ATG2B: variants seen among roughly 807,000 people sequenced by gnomAD.
ATG2B encodes the protein autophagy-related protein 2 homolog B.
In ATG2B, 121 loss-of-function variants were observed where a neutral mutation model predicts 241.3. That is an observed-to-expected ratio of 0.50 (90% CI 0.43 to 0.58). The LOEUF is 0.58. ATG2B is among the 20% of genes least tolerant of loss of function. ATG2B has a pLI of 0.00. For missense variants in ATG2B, 2,306 were observed against 2,491.6 expected, an observed-to-expected ratio of 0.93 and a Z score of 1.59; for synonymous variants, 858 against 876.6, an observed-to-expected ratio of 0.98 and a Z score of 0.37.
In ATG2B at chr14:96,331,574, A is replaced by G; in HGVS notation, c.1532T>C (p.Val511Ala). 8.7e-6 allele frequency: 14 copies of G among 1,614,104 alleles called. No individual in the cohort carries two copies. Among genetic ancestry groups the G allele is most frequent in the Non-Finnish European group, 1.2e-5 (14 of 1,179,970 alleles). The part of the protein sequence containing the change: ...SRPELIFRLA[V>A]GTFSISVLHI... Reference sequence around the variant, plus strand: ...AAGCACAGAGATTGAAAAAGTTCCCACAGCTAGTCTAAAAATAAGTTCAGG... The same window carrying G: ...AAGCACAGAGATTGAAAAAGTTCCCGCAGCTAGTCTAAAAATAAGTTCAGG... Residue 511 changes from valine to alanine, a missense_variant, in exon 11 of 42, where the codon GTG becomes GCG. Val to Ala is a moderately conservative substitution (Grantham distance 64). Coordinates refer to ENST00000359933, the MANE Select transcript of ATG2B (RefSeq NM_018036.7).
Position 96,289,622 on chromosome 14 carries a change from G to C in ATG2B, c.6006+34C>G. 6.2e-7 allele frequency: 1 copy of C among 1,606,650 alleles called. No homozygotes were observed. On this transcript the variant is annotated intron_variant, in intron 41 of 41. Transcript: ENST00000359933. This position sits in a 1 kb window ranked among gnomAD's most constrained non-coding sequence, Gnocchi z 4.3. ...GTGAAAGTTGGGAAAGCGCACAGAA[G>C]GGTTCTGATGTGTCCACCCAAGTAT...
Position 96,363,251 on chromosome 14 carries a change from C to T in ATG2B, c.-275G>A, listed in dbSNP as rs967917861. ...CCGGCTCGGAGAGAGTGCAAGAGAG[C>T]GCGAGAGGAGGCGGCAGGGGCTGAG... On this transcript the variant is annotated 5_prime_UTR_variant, in exon 1 of 42. Transcript: ENST00000359933. 10 of 374,128 alleles carry T rather than the reference C, an allele frequency of 2.7e-5. No individual in the cohort carries two copies. The highest frequency in any genetic ancestry group is 1.3e-4 in the African/African-American group (6 of 46,252). The allele number at this position is 374,128 out of a possible 1,614,324, so 23.2% of individuals were successfully genotyped here.
At position 96,349,051 on chromosome 14, in the gene ATG2B, C is replaced by T. The variant is rs75427658; in HGVS notation, c.163-1710G>A. On this transcript the variant is annotated intron_variant, in intron 1 of 41. Transcript: ENST00000359933. ...TTATATACAGAGGAAACACACTGTG[C>T]TATTTGAACACATAATAGAACCTAA... Among the ~76,000 whole-genome samples the T allele has an allele frequency of 2.9e-4, 44 of 152,276 alleles. 1 individual carries two copies. The East Asian group carries it at 8.5e-3, about 29-fold the overall frequency.
chr14:96,362,856 G>A lies in ATG2B; in HGVS notation c.121C>T (p.Gln41Ter). 6.2e-7 allele frequency: 1 copy of A among 1,612,396 alleles called. No homozygotes were observed. Among genetic ancestry groups the A allele is most frequent in the Non-Finnish European group, 8.5e-7 (1 of 1,179,366 alleles). ...SLEQLSLDLY[Q>*]GTGSLAQVPL... ...ACCTGGGCGAGGGACCCGGTGCCTT[G>A]GTACAGGTCCAGGCTGAGCTGCTCC... Residue 41 changes from glutamine (Q) to a stop codon, truncating the protein, a stop_gained, in exon 1 of 42, where the codon CAA becomes TAA. Transcript: ENST00000359933. LOFTEE classifies it high-confidence loss of function.
chr14:96,302,645 A>G (rs1291517818), intron 33 of ATG2B, among the ~76,000 whole-genome samples: 1 of 152,184 alleles, frequency 6.6e-6, no homozygotes, highest in Non-Finnish European at 1.5e-5. Context: ...ATAATGTTGT[A>G]CTTAGTAACA....
rs1206435347 is a variant in ATG2B at position 96,284,364 on chromosome 14, T to C, written c.*1391A>G. ...CCCATTTTTATAAATTCTAAACATT[T>C]TGATTTTTGGTTTACATTGCTTTCC... On this transcript the variant is annotated 3_prime_UTR_variant, in exon 42 of 42. Transcript: ENST00000359933. 1 of 152,226 alleles carries C rather than the reference T, an allele frequency of 6.6e-6. No individual in the cohort carries two copies. The highest frequency in any genetic ancestry group is 1.5e-5 in the Non-Finnish European group (1 of 68,032). 9.4% of individuals were successfully genotyped at this position (152,226 alleles called of 1,614,324 possible).
chr14:96,326,839 T>G (rs1337147391), intron 14 of ATG2B, among the ~76,000 whole-genome samples: 1 of 152,128 alleles, frequency 6.6e-6, no homozygotes, highest in Non-Finnish European at 1.5e-5. Context: ...GGACTATGGG[T>G]GCAAGCCACC....
At chr14:96,346,645 T>A (rs1175339188) in intron 2 of ATG2B, among the ~76,000 whole-genome samples, 1 of 152,210 alleles carries the variant, frequency 6.6e-6, no homozygotes, top group Non-Finnish European at 1.5e-5. Flanking sequence ...TTTTTCTCTA[T>A]TTATAAGTAG....
At chr14:96,337,291 T>C (rs1225205837) in intron 6 of ATG2B, among the ~76,000 whole-genome samples, 7 of 152,188 alleles carry the variant, frequency 4.6e-5, no homozygotes. Flanking sequence ...TTTATAGAGA[T>C]TATGTAGAAA....
At chr14:96,295,655 C>T (rs1886618997) in intron 34 of ATG2B, 95 bp from the exon 35 acceptor site, 1 of 754,006 alleles carries the variant, frequency 1.3e-6, no homozygotes, top group South Asian at 2.0e-5. Flanking sequence ...ATATTTTACT[C>T]ATTGTTCAAA....
rs768913329 is a variant in ATG2B, at chr14:96,317,756, C to A, written c.2979G>T (p.Gln993His). The part of the protein sequence containing the change: ...SYGIGLSVAS[Q>H]LINTFNKDSF... ...TATCTTTGTTGAAAGTATTAATGAG[C>A]TGACTGGCTACTGAAAGCCCAATGC... Residue 993 changes from glutamine to histidine, a missense_variant, in exon 19 of 42, where the codon CAG becomes CAT. Gln to His is a conservative substitution (Grantham distance 24). This residue lies in a region of ATG2B where 1,927 missense variants were observed against 2,011.2 expected (regional missense o/e 0.96). Transcript: ENST00000359933. The A allele has an allele frequency of 2.5e-6, 4 of 1,613,206 alleles. No homozygotes were observed. The highest frequency in any genetic ancestry group is 3.4e-6 in the Non-Finnish European group (4 of 1,179,382).
At chr14:96,342,620 G>T (rs7141371) in intron 5 of ATG2B, among the ~76,000 whole-genome samples, 5,156 of 151,602 alleles carry the variant, frequency 0.034, 302 homozygotes, top group African/African-American at 0.12. Flanking sequence ...TACTCAGGAG[G>T]CTGAGGCAGG....
chr14:96,352,498 C>A (rs991448515), intron 1 of ATG2B, among the ~76,000 whole-genome samples: 3 of 151,926 alleles, frequency 2.0e-5, no homozygotes, highest in East Asian at 1.9e-4. Flanking sequence ...TTCCTGAAGA[C>A]CTTCCAGTGG....
chr14:96,349,340 G>T (rs1888253680), intron 1 of ATG2B, among the ~76,000 whole-genome samples: 1 of 152,236 alleles, frequency 6.6e-6, no homozygotes, highest in Admixed American at 6.5e-5. Flanking sequence ...GATCCAAAGA[G>T]CCTTGTAATG....
At position 96,347,184 on chromosome 14, in the gene ATG2B, C is replaced by T. The variant is rs78100888; in HGVS notation, c.320G>A (p.Arg107His). The T allele has an allele frequency of 5.9e-4, 933 of 1,577,818 alleles. 9 individuals carry two copies. The East Asian group carries it at 8.6e-3, about 15-fold the overall frequency. ...GAAACATACAACACACCAACCTGGG[C>T]GAGGTCTAGGCCGGAAGACCATTTC... ...GLEMVFRPRP[R>H]PATGSEPMYW... The change falls in exon 2 of 42, where the codon CGC becomes CAC. Residue 107 changes from arginine (R) to histidine (H), a missense_variant. By Grantham distance (29) the Arg-to-His change is conservative (BLOSUM62 0). This residue lies in a region of ATG2B where 1,927 missense variants were observed against 2,011.2 expected (regional missense o/e 0.96). Transcript: ENST00000359933.
In ATG2B at chr14:96,291,660, A is replaced by C; in HGVS notation, c.5519T>G (p.Ile1840Ser). The change falls in exon 38 of 42, where the codon ATT becomes AGT. Residue 1840 changes from isoleucine to serine, a missense_variant. Physicochemically the swap from Ile to Ser is moderately radical, Grantham distance 142. Transcript: ENST00000359933. ...AGAGCAGTTTAACTGAGCCAGACCA[A>C]TCAAAATCCCAGCTAGCGTACCCTT... ...MDQGTLAGIL[I>S]GLAQLNCSEL... is the part of the protein sequence containing the mutation. 1 of 1,607,540 alleles carries C rather than the reference A, an allele frequency of 6.2e-7. No homozygotes were observed. The highest frequency in any genetic ancestry group is 8.5e-7 in the Non-Finnish European group (1 of 1,175,826).
intron 1 of ATG2B, among the ~76,000 whole-genome samples, chr14:96,351,343 A>C (rs998681227): frequency 2.0e-5 from 3 of 152,214 alleles, no homozygotes; most frequent in African/African-American, 7.2e-5. Context: ...GGCTCATGCC[A>C]GTAGTCCCAG....
Position 96,284,474 on chromosome 14 carries a change from A to G in ATG2B, c.*1281T>C, listed in dbSNP as rs1183540569. On this transcript the variant is annotated 3_prime_UTR_variant, in exon 42 of 42. Coordinates refer to ENST00000359933, the MANE Select transcript of ATG2B (RefSeq NM_018036.7). ...AATGCAGTTCTGAAATTGAAGTTCA[A>G]TAATATTCCCCCAACTTTAGAAAAC... is the stretch of plus-strand genomic sequence containing the variant. 1 of 152,244 alleles carries G rather than the reference A, an allele frequency of 6.6e-6. No individual in the cohort carries two copies. The highest frequency in any genetic ancestry group is 1.5e-5 in the Non-Finnish European group (1 of 68,036). 9.4% of individuals were successfully genotyped at this position (152,244 alleles called of 1,614,324 possible). A position where few individuals can be genotyped will look rare whatever the true frequency, so the allele number is the denominator to read the frequency against.
At chr14:96,329,726 T>C (rs1179574333) in intron 11 of ATG2B, 92 bp from the exon 12 acceptor site, 2 of 770,538 alleles carry the variant, frequency 2.6e-6, no homozygotes, top group Non-Finnish European at 4.1e-6. Context: ...CAATAATTAA[T>C]ACTCCTAAGG....
Sources: allele counts gnomAD v4.1 joint callset (sites outside exome capture counted in the v4.1 genomes callset), GRCh38; gene constraint gnomAD v4.1.1; regional missense constraint gnomAD v4.1.1; non-coding constraint Gnocchi (gnomAD v3.1); transcripts MANE v1.5; gene names NCBI Gene and HGNC (gene_info 2026-07-23, HGNC 2026-07-21).